The following PDZD9 variants were observed in gnomAD, a reference collection of about 807,000 sequenced individuals.
PDZD9 encodes the protein PDZ domain containing 9, also known as PDZ domain-containing protein 9.
PDZD9 carries 13 observed loss-of-function variants against 16.3 expected under a neutral mutation model. The ratio of observed to expected loss-of-function variants is 0.80; its 90% CI spans 0.52 to 1.27. The LOEUF is 1.27. Among genes scored for constraint, PDZD9 ranks in the 50% most tolerant of loss-of-function variants. The pLI, the probability that PDZD9 is intolerant of heterozygous loss-of-function variation, is 0.00. For missense variants in PDZD9, 288 were observed against 310.9 expected, an observed-to-expected ratio of 0.93 and a Z score of 0.55; for synonymous variants, 120 against 111.0, an observed-to-expected ratio of 1.08 and a Z score of -0.51.
the PDZD9 span, among the ~76,000 whole-genome samples, chr16:21,957,741 A>G: frequency 6.6e-6 from 1 of 152,234 alleles, no homozygotes; most frequent in Non-Finnish European, 1.5e-5. Flanking sequence ...TCTAGAGGCT[A>G]GAAGTCCAAG....
intron 3 of PDZD9, among the ~76,000 whole-genome samples, chr16:21,987,082 A>G (rs756381094): frequency 7.9e-5 from 12 of 152,214 alleles, no homozygotes; most frequent in African/African-American, 1.4e-4. Flanking sequence ...AAAAGTCTTA[A>G]GAGATTTTTT....
At chr16:21,995,638 C>T (rs1401843381) in intron 2 of PDZD9, among the ~76,000 whole-genome samples, 1 of 152,134 alleles carries the variant, frequency 6.6e-6, no homozygotes, top group Non-Finnish European at 1.5e-5. Context: ...CACTCTGTCA[C>T]CCAGGCTGGA....
At chr16:21,976,269 T>A in the PDZD9 span, 1 of 1,565,204 alleles carries the variant, frequency 6.4e-7, no homozygotes, top group Non-Finnish European at 8.8e-7. Flanking sequence ...AACTGTGTTT[T>A]ATGTTTTTGT....
At chr16:21,988,003 C>CTTTTTT (rs773101505) in intron 3 of PDZD9, among the ~76,000 whole-genome samples, 3 of 100,700 alleles carry the variant, frequency 3.0e-5, no homozygotes, top group Non-Finnish European at 3.8e-5. Flanking sequence ...GCAAGAAGCA[C>CTTTTTT]TTTTTTTTTT....
the PDZD9 span, chr16:21,958,462 T>G: frequency 7.6e-7 from 1 of 1,324,040 alleles, no homozygotes; most frequent in Non-Finnish European, 1.1e-6. Context: ...TCACAACAGA[T>G]TTTGATATAG....
At chr16:21,982,991 C>A, downstream of PDZD9, 5 of 950,510 alleles carry the variant, frequency 5.3e-6, no homozygotes, top group Non-Finnish European at 7.8e-6. Flanking sequence ...AAAGAATGTC[C>A]TATCCATAAA....
chr16:21,982,054 A>G (rs1482145431), downstream of PDZD9, among the ~76,000 whole-genome samples: 1 of 151,658 alleles, frequency 6.6e-6, no homozygotes, highest in East Asian at 2.0e-4. Context: ...GTTAGCCAGG[A>G]TGGTCTCGAT....
chr16:21,972,555 C>T, the PDZD9 span, among the ~76,000 whole-genome samples: 1 of 152,162 alleles, frequency 6.6e-6, no homozygotes, highest in African/African-American at 2.4e-5. Flanking sequence ...CAGACTCACT[C>T]ATTCAGCTTG....
chr16:21,996,532 C>T, intron 1 of PDZD9, 31 bp from the exon 2 acceptor site: 1 of 1,514,280 alleles, frequency 6.6e-7, no homozygotes. Context: ...TATTTCAGTC[C>T]TTCACCAAGA....
At chr16:21,978,727 T>C in the PDZD9 span, among the ~76,000 whole-genome samples, 5 of 152,212 alleles carry the variant, frequency 3.3e-5, no homozygotes, top group Non-Finnish European at 7.3e-5. Flanking sequence ...CTTGGTGAAC[T>C]GAAGAAATAG....
chr16:21,975,579 C>T, the PDZD9 span, among the ~76,000 whole-genome samples: 8 of 152,218 alleles, frequency 5.3e-5, no homozygotes, highest in South Asian at 8.3e-4. Flanking sequence ...CCCACATCCC[C>T]GGAACTTTAT....
the PDZD9 span, chr16:21,959,386 C>G: frequency 7.4e-6 from 2 of 270,812 alleles, no homozygotes; most frequent in East Asian, 2.6e-4. Flanking sequence ...CAAGAAACCA[C>G]TTTGTTTGCT....
chr16:21,975,355 G>A, the PDZD9 span, among the ~76,000 whole-genome samples: 1 of 152,090 alleles, frequency 6.6e-6, no homozygotes, highest in Non-Finnish European at 1.5e-5. Context: ...CTGAGGTCGG[G>A]GTCTTAGAAT....
the PDZD9 span, among the ~76,000 whole-genome samples, chr16:21,963,531 CAA>C: frequency 1.3e-5 from 2 of 151,928 alleles, no homozygotes; most frequent in Admixed American, 6.6e-5. Flanking sequence ...TGCAGTGGCA[CAA>C]TCTCACTGCA....
chr16:21,964,683 T>C, the PDZD9 span, among the ~76,000 whole-genome samples: 1 of 152,210 alleles, frequency 6.6e-6, no homozygotes, highest in African/African-American at 2.4e-5. Flanking sequence ...TTAATTGTTT[T>C]CCAATTCCCA....
downstream of PDZD9, chr16:21,980,335 AC>A (rs1898687744): frequency 1.4e-5 from 8 of 551,964 alleles, no homozygotes; most frequent in Admixed American, 2.7e-4. Context: ...CACTTTGGCA[AC>A]CCTGAAGAGA....
the PDZD9 span, chr16:21,976,329 C>A: frequency 8.8e-7 from 1 of 1,134,406 alleles, no homozygotes; most frequent in Non-Finnish European, 1.3e-6. Context: ...ACAATCTATG[C>A]TCATAAGGAC....
the PDZD9 span, chr16:21,959,782 A>G: frequency 6.6e-6 from 1 of 152,232 alleles, no homozygotes; most frequent in Non-Finnish European, 1.5e-5. Context: ...TCCTTGATCC[A>G]TGGGGTGCAG....
chr16:21,984,523 A>T lies in PDZD9; in HGVS notation c.539T>A (p.Ile180Lys). 2 of 1,607,816 alleles carry T rather than the reference A, an allele frequency of 1.2e-6. No individual in the cohort carries two copies. Among genetic ancestry groups the T allele is most frequent in the Non-Finnish European group, 1.7e-6 (2 of 1,174,664 alleles). The change falls in exon 4 of 4, where the codon ATA (isoleucine) becomes AAA (lysine). Residue 180 changes from isoleucine to lysine, a missense_variant. Physicochemically the swap from Ile to Lys is moderately radical, Grantham distance 102 (BLOSUM62 -3). Transcript: ENST00000424898. ...STVHHPARRP[I>K]SISRDWHGYK... ...TCCATGCCAGTCTCTGGAGATGGAT[A>T]TTGGTCTCCTTGCAGGGTGATGCAC...
Sources: allele counts gnomAD v4.1 joint callset (sites outside exome capture counted in the v4.1 genomes callset), GRCh38; gene constraint gnomAD v4.1.1; transcripts MANE v1.5; gene names NCBI Gene and HGNC (gene_info 2026-07-23, HGNC 2026-07-21).